Variants in KIAA1217 observed in about 807,000 individuals in gnomAD.
The protein encoded by KIAA1217 is sickle tail protein homolog.
A neutral mutation model predicts 163.9 loss-of-function variants in KIAA1217; 88 were observed. The ratio of observed to expected loss-of-function variants is 0.54; its 90% CI spans 0.45 to 0.64. KIAA1217 has a LOEUF of 0.64. KIAA1217 is among the 30% of genes least tolerant of loss of function. The probability of loss-of-function intolerance (pLI) is 0.00; values close to 1 mark genes in which losing one functional copy is unlikely to be tolerated. For synonymous variants in KIAA1217, 903 were observed against 923.1 expected (o/e 0.98, Z 0.39); for missense variants, 2,372 against 2,475.0 (o/e 0.96, Z 0.88).
intron 1 of KIAA1217, among the ~76,000 whole-genome samples, chr10:23,703,501 C>T (rs1466213456): frequency 1.3e-5 from 2 of 152,144 alleles, no homozygotes; most frequent in Non-Finnish European, 2.9e-5. Flanking sequence ...TACGCTGGCT[C>T]TCTGCAGGGG....
intron 1 of KIAA1217, among the ~76,000 whole-genome samples, chr10:23,789,940 TACATATACATGTATATATAC>T (rs2130921264): frequency 9.2e-6 from 1 of 108,866 alleles, no homozygotes; most frequent in Admixed American, 9.3e-5. Context: ...TATACACATA[TACATATACATGTATATATAC>T]ACATATACAT....
chr10:24,349,272 G>A (rs1202275862), intron 2 of KIAA1217, among the ~76,000 whole-genome samples: 1 of 152,014 alleles, frequency 6.6e-6, no homozygotes, highest in African/African-American at 2.4e-5. Flanking sequence ...TTATTTGAAA[G>A]AAAAAACCAT....
intron 2 of KIAA1217, among the ~76,000 whole-genome samples, chr10:24,158,993 T>A (rs1391799657): frequency 6.6e-6 from 1 of 152,154 alleles, no homozygotes; most frequent in East Asian, 1.9e-4. Context: ...AAACTAAAAA[T>A]CCCTGTAAAT....
intron 1 of KIAA1217, among the ~76,000 whole-genome samples, chr10:23,904,503 C>T (rs1842073584): frequency 6.6e-6 from 1 of 152,148 alleles, no homozygotes; most frequent in Non-Finnish European, 1.5e-5. Context: ...GCAAGGCCAG[C>T]TGCAAATTTT....
rs556585982 is a variant in KIAA1217, at chr10:24,004,350, T to A, written c.-320-2875T>A. Reference sequence around the variant, plus strand: ...GTGGTCTTGATATACTCATCTTTTTTTAAAAAAACCCACAGACTGATCACA... The same window carrying A: ...GTGGTCTTGATATACTCATCTTTTTATAAAAAAACCCACAGACTGATCACA... On this transcript the variant is annotated intron_variant, in intron 1 of 18. Transcript: ENST00000376462. 4.0e-4 allele frequency among the ~76,000 whole-genome samples: 60 copies of A among 151,730 alleles called. 1 individual carries two copies. Among genetic ancestry groups the A allele is most frequent in the African/African-American group, 1.4e-3 (59 of 41,060 alleles).
In KIAA1217 at chr10:23,717,353, C is replaced by T. The variant is rs143151622; in HGVS notation, c.-321+22119C>T. On this transcript the variant is annotated intron_variant, in intron 1 of 18. Transcript: ENST00000376462. ...AATAAGAGCTAATAATTACTGAGCA[C>T]GTACTATAGTCCAGGCAGCATGCTA... Among the ~76,000 whole-genome samples the T allele has an allele frequency of 7.8e-4, 118 of 152,136 alleles. 1 individual carries two copies. The highest frequency in any genetic ancestry group is 2.0e-3 in the African/African-American group (82 of 41,516).
chr10:24,487,372 G>T (rs1333782341), intron 6 of KIAA1217, among the ~76,000 whole-genome samples: 2 of 152,336 alleles, frequency 1.3e-5, no homozygotes, highest in East Asian at 1.9e-4. Flanking sequence ...GACTCTCAGC[G>T]CCCGTCATGG....
rs566364574 is a variant in KIAA1217 at position 23,712,908 on chromosome 10, G to A, written c.-321+17674G>A. On this transcript the variant is annotated intron_variant, in intron 1 of 18. Transcript: ENST00000376462. Reference sequence around the variant, plus strand: ...ATATTACCTCTTTTCAGTTTTAATTGCCTCTTAAGAAGACAGAATTGCTTC... The same window carrying A: ...ATATTACCTCTTTTCAGTTTTAATTACCTCTTAAGAAGACAGAATTGCTTC... 4.6e-5 allele frequency among the ~76,000 whole-genome samples: 7 copies of A among 152,086 alleles called. No homozygotes were observed. In the South Asian group the frequency reaches 1.5e-3, roughly 32 times the overall value.
intron 1 of KIAA1217, among the ~76,000 whole-genome samples, chr10:23,794,964 C>G (rs1354302918): frequency 6.6e-6 from 1 of 152,176 alleles, no homozygotes; most frequent in African/African-American, 2.4e-5. Flanking sequence ...TGTGATGCCC[C>G]AAAGTCCTTT....
At chr10:23,815,640 T>C (rs1837281772) in intron 1 of KIAA1217, among the ~76,000 whole-genome samples, 2 of 152,078 alleles carry the variant, frequency 1.3e-5, no homozygotes, top group South Asian at 4.1e-4. Flanking sequence ...CAAGACTCCA[T>C]CTCAAAAAAC....
At chr10:23,707,318 A>T (rs1836955493) in intron 1 of KIAA1217, among the ~76,000 whole-genome samples, 1 of 152,156 alleles carries the variant, frequency 6.6e-6, no homozygotes, top group Non-Finnish European at 1.5e-5. Context: ...GGGGGAACAC[A>T]GAGAGCAGGA....
chr10:24,099,684 C>T (rs1770275294), intron 2 of KIAA1217, among the ~76,000 whole-genome samples: 1 of 149,876 alleles, frequency 6.7e-6, no homozygotes, highest in Non-Finnish European at 1.5e-5. Flanking sequence ...TGGTGTGCTG[C>T]ACCCATTAAC....
At chr10:24,116,143 G>A (rs928582748) in intron 2 of KIAA1217, among the ~76,000 whole-genome samples, 3 of 152,012 alleles carry the variant, frequency 2.0e-5, no homozygotes, top group Admixed American at 1.3e-4. Context: ...CTGGGATCTT[G>A]GGGGTTCTAC....
chr10:24,135,471 C>T (rs990305284), intron 2 of KIAA1217, among the ~76,000 whole-genome samples: 4 of 151,910 alleles, frequency 2.6e-5, no homozygotes, highest in Non-Finnish European at 5.9e-5. Context: ...GGTTCCCAGT[C>T]CTCTGTGTCT....
intron 2 of KIAA1217, among the ~76,000 whole-genome samples, chr10:24,175,494 C>A (rs1028868651): frequency 3.3e-5 from 5 of 151,726 alleles, no homozygotes; most frequent in African/African-American, 1.2e-4. Flanking sequence ...TGAGTTACTT[C>A]AATTAGAATT....
rs547538732 is a variant in KIAA1217 at position 23,738,556 on chromosome 10, G to C, written c.-321+43322G>C. ...CATTTTCTTGTATCTTTTTCAGCCA[G>C]TTCTTGTTTAACACATTATTTTTTC... On this transcript the variant is annotated intron_variant, in intron 1 of 18. Coordinates refer to the KIAA1217 transcript ENST00000376462. Among the ~76,000 whole-genome samples, 3 of 151,930 alleles carry C rather than the reference G, an allele frequency of 2.0e-5. No individual in the cohort carries two copies. In the East Asian group the frequency reaches 5.8e-4, roughly 29 times the overall value.
intron 1 of KIAA1217, among the ~76,000 whole-genome samples, chr10:23,912,702 G>A (rs766028545): frequency 1.1e-4 from 17 of 152,090 alleles, no homozygotes; most frequent in Non-Finnish European, 2.2e-4. Flanking sequence ...ATGGTGTTGT[G>A]TTTCTATGTG....
chr10:24,531,783 G>A lies in KIAA1217; in HGVS notation c.3083-47G>A, dbSNP rs73604498. The A allele has an allele frequency of 3.4e-3, 5,100 of 1,500,344 alleles. 147 individuals carry two copies. In the African/African-American group the frequency reaches 0.063, roughly 18 times the overall value. The allele number at this position is 1,500,344 out of a possible 1,614,324, so 92.9% of individuals were successfully genotyped here. A position where few individuals can be genotyped will look rare whatever the true frequency, so the allele number is the denominator to read the frequency against. On this transcript the variant is annotated intron_variant, in intron 14 of 20. Coordinates refer to ENST00000376454, the MANE Select transcript of KIAA1217 (RefSeq NM_019590.5). Reference sequence around the variant, plus strand: ...TAGCAATATACCAGACTTTCTGGATGTTTTCTTGAAAAAAGATTATTCTTG... The same window carrying A: ...TAGCAATATACCAGACTTTCTGGATATTTTCTTGAAAAAAGATTATTCTTG...
chr10:24,027,551 A>G (rs1010862669), intron 2 of KIAA1217, among the ~76,000 whole-genome samples: 1 of 152,150 alleles, frequency 6.6e-6, no homozygotes, highest in African/African-American at 2.4e-5. Context: ...TTGCTGAAAC[A>G]ATATATCTAG....
Sources: allele counts gnomAD v4.1 joint callset (sites outside exome capture counted in the v4.1 genomes callset), GRCh38; gene constraint gnomAD v4.1.1; transcripts MANE v1.5; gene names NCBI Gene and HGNC (gene_info 2026-07-23, HGNC 2026-07-21).